The following SPTBN1 variants were observed in gnomAD, a reference collection of about 807,000 sequenced individuals.
SPTBN1 encodes the protein spectrin beta chain, non-erythrocytic 1.
Under a neutral mutation model 266.4 loss-of-function variants are expected in SPTBN1, and 32 were observed. The observed-to-expected ratio is 0.12, with a 90% CI of 0.09 to 0.16. The LOEUF (loss-of-function observed/expected upper bound fraction) is 0.16. Ranked by LOEUF, SPTBN1 falls within the 10% of genes least tolerant of loss-of-function variation. The pLI, the probability that SPTBN1 is intolerant of heterozygous loss-of-function variation, is 1.00. For missense variants in SPTBN1, 2,296 were observed against 3,067.1 expected (o/e 0.75, Z 5.94); for synonymous variants, 1,336 against 1,162.2 (o/e 1.15, Z -3.04).
At chr2:54,544,563 G>A (rs1356166325) in intron 2 of SPTBN1, among the ~76,000 whole-genome samples, 1 of 152,106 alleles carries the variant, frequency 6.6e-6, no homozygotes, top group Non-Finnish European at 1.5e-5. Context: ...GTTTCTGACT[G>A]TCAAGCACAA....
chr2:54,623,938 A>T lies in SPTBN1; in HGVS notation c.1182+342A>T, dbSNP rs78047435. On this transcript the variant is annotated intron_variant, in intron 10 of 35. Transcript: ENST00000356805. ...AAAGGAGAAATTGAAACCTTATTTC[A>T]TGTGTTTCATAGTAGTTGTGGGGCT... Among the ~76,000 whole-genome samples, 910 of 152,328 alleles carry T rather than the reference A, an allele frequency of 6.0e-3. 9 individuals carry two copies. Among genetic ancestry groups the T allele is most frequent in the African/African-American group, 0.019 (780 of 41,568 alleles).
Position 54,664,382 on chromosome 2 carries a change from G to C in SPTBN1, c.6421-71G>C. 1 of 1,474,298 alleles carries C rather than the reference G, an allele frequency of 6.8e-7. No homozygotes were observed. Among genetic ancestry groups the C allele is most frequent in the Non-Finnish European group, 9.3e-7 (1 of 1,073,464 alleles). 91.3% of individuals were successfully genotyped at this position (1,474,298 alleles called of 1,614,324 possible). ...CATTTATACACAGCCACATGTGCGA[G>C]TCAGGTAGAGCGTATGTGGTCACCC... On this transcript the variant is annotated intron_variant, in intron 32 of 35. Coordinates refer to ENST00000356805, the MANE Select transcript of SPTBN1 (RefSeq NM_003128.3). This position sits in a 1 kb window ranked among gnomAD's most constrained non-coding sequence, Gnocchi z 5.6.
chr2:54,483,653 G>A lies in SPTBN1; in HGVS notation c.-48+27135G>A, dbSNP rs560351567. Among the ~76,000 whole-genome samples, 10 of 152,310 alleles carry A rather than the reference G, an allele frequency of 6.6e-5. No individual in the cohort carries two copies. The South Asian group carries it at 2.1e-3, about 32-fold the overall frequency. Reference sequence around the variant, plus strand: ...GAGCCCACTATAAAGAAAATGCCAAGTGTTCCTGGGCACAGGAAGTGGGTA... The same window carrying A: ...GAGCCCACTATAAAGAAAATGCCAAATGTTCCTGGGCACAGGAAGTGGGTA... On this transcript the variant is annotated intron_variant, in intron 1 of 35. Transcript: ENST00000356805.
chr2:54,559,649 G>T (rs1673145072), intron 2 of SPTBN1, among the ~76,000 whole-genome samples: 1 of 152,158 alleles, frequency 6.6e-6, no homozygotes. Flanking sequence ...AGCTGTCCCT[G>T]CCCAGCCAGC....
At position 54,558,850 on chromosome 2, in the gene SPTBN1, C is replaced by G; in HGVS notation, c.148+32284C>G. The G allele has an allele frequency of 1.2e-6, 2 of 1,614,010 alleles. No homozygotes were observed. Among genetic ancestry groups the G allele is most frequent in the Middle Eastern group, 1.7e-4 (1 of 6,060 alleles). On this transcript the variant is annotated intron_variant, in intron 2 of 35. Coordinates refer to ENST00000356805, the MANE Select transcript of SPTBN1 (RefSeq NM_003128.3). This position sits in a 1 kb window ranked among gnomAD's most constrained non-coding sequence, Gnocchi z 4.6. Reference sequence around the variant, plus strand: ...CGTACACGGGGCAGGTGCCTTACAACTACAACCAGCTGGAAGGCAGATTCA... The same window carrying G: ...CGTACACGGGGCAGGTGCCTTACAAGTACAACCAGCTGGAAGGCAGATTCA...
At chr2:54,474,047 C>T (rs1341460370) in intron 1 of SPTBN1, among the ~76,000 whole-genome samples, 1 of 152,212 alleles carries the variant, frequency 6.6e-6, no homozygotes, top group Non-Finnish European at 1.5e-5. Flanking sequence ...CTGCAGATGG[C>T]AGCAGGGTGG....
chr2:54,641,328 G>A (rs1470169318), intron 18 of SPTBN1, among the ~76,000 whole-genome samples: 1 of 152,118 alleles, frequency 6.6e-6, no homozygotes, highest in Non-Finnish European at 1.5e-5. Context: ...TCCCTCTTGG[G>A]TAAGTGGTTA....
chr2:54,528,145 T>G (rs947850755), intron 2 of SPTBN1: 1 of 152,678 alleles, frequency 6.5e-6, no homozygotes, highest in African/African-American at 2.4e-5. Context: ...ATCATGACCC[T>G]GGCTTGTGCT....
intron 34 of SPTBN1, 149 bp downstream of exon 34, chr2:54,666,237 G>T (rs979924797): frequency 5.7e-6 from 5 of 873,476 alleles, no homozygotes; most frequent in Admixed American, 6.1e-5. Flanking sequence ...AGTTTGGCAC[G>T]TGTCTCGGTT....
At chr2:54,512,046 A>C (rs558839616) in intron 1 of SPTBN1, among the ~76,000 whole-genome samples, 169 of 152,254 alleles carry the variant, frequency 1.1e-3, no homozygotes, top group South Asian at 1.9e-3. Flanking sequence ...TGTCATGTGC[A>C]GTTCACAGTA....
intron 26 of SPTBN1, chr2:54,652,950 G>A (rs948073034): frequency 6.6e-6 from 1 of 151,858 alleles, no homozygotes; most frequent in East Asian, 1.9e-4. Flanking sequence ...ACCAAAATAT[G>A]TAGATGTAAG....
At chr2:54,597,010 T>C (rs1384473980) in intron 2 of SPTBN1, among the ~76,000 whole-genome samples, 1 of 152,200 alleles carries the variant, frequency 6.6e-6, no homozygotes, top group Non-Finnish European at 1.5e-5. Context: ...AGAGTGACAA[T>C]TGGCTGAGGA....
chr2:54,584,159 C>G (rs1433997776), intron 2 of SPTBN1, among the ~76,000 whole-genome samples: 1 of 152,168 alleles, frequency 6.6e-6, no homozygotes, highest in East Asian at 1.9e-4. Flanking sequence ...GGGACTCTTG[C>G]ATTCAGTAAT....
At chr2:54,458,386 A>T (rs893413603) in intron 1 of SPTBN1, among the ~76,000 whole-genome samples, 3 of 152,128 alleles carry the variant, frequency 2.0e-5, no homozygotes, top group African/African-American at 7.2e-5. Context: ...CAGTTGCATT[A>T]TTTGGATGCT....
At chr2:54,563,040 T>TA (rs1426956459) in intron 2 of SPTBN1, among the ~76,000 whole-genome samples, 2 of 152,228 alleles carry the variant, frequency 1.3e-5, no homozygotes, top group Non-Finnish European at 2.9e-5. Flanking sequence ...TTAGAGGTGA[T>TA]AAGATAGAGG....
At chr2:54,473,596 A>G (rs2103881193) in intron 1 of SPTBN1, among the ~76,000 whole-genome samples, 1 of 152,168 alleles carries the variant, frequency 6.6e-6, no homozygotes, top group Non-Finnish European at 1.5e-5. Flanking sequence ...ACTACAGGCC[A>G]CCATTTCCTT....
At chr2:54,588,622 T>A (rs139531384) in intron 2 of SPTBN1, among the ~76,000 whole-genome samples, 1 of 152,252 alleles carries the variant, frequency 6.6e-6, no homozygotes, top group East Asian at 1.9e-4. Flanking sequence ...GGAGGGAAAG[T>A]GAGTGAAGAT....
intron 35 of SPTBN1, 62 bp downstream of exon 35, chr2:54,667,708 T>C: frequency 6.9e-7 from 1 of 1,447,642 alleles, no homozygotes; most frequent in Admixed American, 1.7e-5. Context: ...TGTGTGATGA[T>C]GGGCTTTATT....
At chr2:54,642,215 G>A (rs1318174253) in intron 18 of SPTBN1, among the ~76,000 whole-genome samples, 1 of 152,206 alleles carries the variant, frequency 6.6e-6, no homozygotes, top group Non-Finnish European at 1.5e-5. Context: ...TGGGCCTGGC[G>A]TTTGGCTGAC....
Sources: gnomAD v4.1 joint callset for allele counts (sites outside exome capture counted in the v4.1 genomes callset) on GRCh38, gnomAD v4.1.1 for gene constraint, Gnocchi (gnomAD v3.1) non-coding constraint, MANE v1.5 for transcripts, NCBI Gene and HGNC (gene_info 2026-07-23, HGNC 2026-07-21) for gene names.